Variants in SEMA3E observed in about 807,000 individuals in gnomAD.
The protein encoded by SEMA3E is semaphorin 3E.
SEMA3E carries 49 observed loss-of-function variants against 93.6 expected under a neutral mutation model. The ratio of observed to expected loss-of-function variants is 0.52; its 90% CI spans 0.42 to 0.66. The LOEUF (loss-of-function observed/expected upper bound fraction) is 0.66, where lower values mean the gene tolerates loss of function less well. Among genes scored for constraint, SEMA3E ranks in the 30% least tolerant of loss-of-function variants. SEMA3E has a pLI of 0.00. For missense variants in SEMA3E, 906 were observed against 964.8 expected (o/e 0.94, Z 0.81); for synonymous variants, 363 against 330.7 (o/e 1.10, Z -1.06).
chr7:83,570,875 C>A (rs1328901157), intron 1 of SEMA3E, among the ~76,000 whole-genome samples: 31 of 143,852 alleles, frequency 2.2e-4, no homozygotes, highest in African/African-American at 2.5e-5. Context: ...TACAACTGAG[C>A]CCACAGAAAT....
chr7:83,648,501 A>G lies in SEMA3E; in HGVS notation c.42T>C (p.Gly14=). The G allele has an allele frequency of 6.2e-7, 1 of 1,612,568 alleles. No homozygotes were observed. ...CTCCTGTCCAAAGCTCCAGTAAGTA[A>G]CCCCACAGGAGCAAGGTGATAATGT... is the stretch of plus-strand genomic sequence containing the variant. ...AGHIITLLLW[G]YLLELWTGGH... is the part of the protein sequence containing the mutation. Residue 14 remains glycine, a synonymous_variant, in exon 1 of 17, where the codon GGT becomes GGC. Coordinates refer to ENST00000643230, the MANE Select transcript of SEMA3E (RefSeq NM_012431.3).
chr7:83,380,976 T>A (rs1163745736), intron 16 of SEMA3E, among the ~76,000 whole-genome samples: 1 of 151,948 alleles, frequency 6.6e-6, no homozygotes. Context: ...TCATCTGGTC[T>A]TGAAGGCATG....
intron 16 of SEMA3E, among the ~76,000 whole-genome samples, chr7:83,375,715 T>G (rs770031179): frequency 6.6e-6 from 1 of 152,050 alleles, no homozygotes; most frequent in Non-Finnish European, 1.5e-5. Context: ...GTCAGTGGCA[T>G]GAGACTTAGA....
At chr7:83,374,692 T>C (rs1794797190) in intron 16 of SEMA3E, among the ~76,000 whole-genome samples, 1 of 152,138 alleles carries the variant, frequency 6.6e-6, no homozygotes, top group African/African-American at 2.4e-5. Flanking sequence ...ATCTATAATA[T>C]AATACATTTA....
chr7:83,448,884 C>A (rs1052884412), intron 4 of SEMA3E, among the ~76,000 whole-genome samples: 2 of 152,006 alleles, frequency 1.3e-5, no homozygotes, highest in Non-Finnish European at 2.9e-5. Flanking sequence ...TCAGATTTTT[C>A]TTTGTAATTG....
intron 1 of SEMA3E, among the ~76,000 whole-genome samples, chr7:83,570,813 C>CA (rs145790825): frequency 2.4e-4 from 34 of 143,448 alleles, no homozygotes; most frequent in East Asian, 1.2e-3. Flanking sequence ...TTATCAAAGA[C>CA]AAAAAAAAAA....
At chr7:83,420,511 AAAC>A (rs893590857) in intron 4 of SEMA3E, among the ~76,000 whole-genome samples, 2 of 152,146 alleles carry the variant, frequency 1.3e-5, no homozygotes, top group Non-Finnish European at 2.9e-5. Flanking sequence ...AATGCTAAGC[AAAC>A]AACAACAACA....
chr7:83,591,567 T>G (rs1198912036), intron 1 of SEMA3E, among the ~76,000 whole-genome samples: 1 of 151,972 alleles, frequency 6.6e-6, no homozygotes, highest in Non-Finnish European at 1.5e-5. Flanking sequence ...TTTTTACACA[T>G]ATAAATTAAG....
At chr7:83,381,732 T>C (rs993426727) in intron 16 of SEMA3E, among the ~76,000 whole-genome samples, 2 of 151,906 alleles carry the variant, frequency 1.3e-5, no homozygotes, top group Non-Finnish European at 2.9e-5. Flanking sequence ...TTAGATGGAG[T>C]ACTCTGTATT....
intron 1 of SEMA3E, among the ~76,000 whole-genome samples, chr7:83,624,587 C>A (rs185494660): frequency 3.9e-4 from 59 of 151,488 alleles, no homozygotes; most frequent in African/African-American, 1.4e-3. Flanking sequence ...TATTTTCTTG[C>A]AAATTTGTTT....
At chr7:83,610,434 T>C (rs1186696102) in intron 1 of SEMA3E, among the ~76,000 whole-genome samples, 1 of 152,018 alleles carries the variant, frequency 6.6e-6, no homozygotes, top group Non-Finnish European at 1.5e-5. Flanking sequence ...AATTTAAACT[T>C]AATTGTCCCT....
intron 4 of SEMA3E, among the ~76,000 whole-genome samples, chr7:83,426,625 T>C (rs1370225974): frequency 6.6e-6 from 1 of 152,134 alleles, no homozygotes; most frequent in Non-Finnish European, 1.5e-5. Flanking sequence ...CCCCAGTACA[T>C]ATACACATGT....
At chr7:83,412,540 G>A (rs1471618938) in intron 5 of SEMA3E, among the ~76,000 whole-genome samples, 6 of 151,886 alleles carry the variant, frequency 4.0e-5, no homozygotes, top group South Asian at 2.1e-4. Context: ...GAGTTCAGAT[G>A]TTCAAGATCA....
intron 1 of SEMA3E, among the ~76,000 whole-genome samples, chr7:83,565,672 T>C (rs1046969403): frequency 6.6e-6 from 1 of 152,132 alleles, no homozygotes; most frequent in Non-Finnish European, 1.5e-5. Flanking sequence ...TTAAAAATTG[T>C]TTTTTAGAAG....
intron 4 of SEMA3E, among the ~76,000 whole-genome samples, chr7:83,430,152 A>G (rs371180495): frequency 2.6e-4 from 39 of 152,110 alleles, no homozygotes; most frequent in African/African-American, 8.9e-4. Flanking sequence ...ATAGACTCTA[A>G]TTGTCAATTT....
intron 1 of SEMA3E, among the ~76,000 whole-genome samples, chr7:83,526,757 G>C (rs916739579): frequency 6.6e-6 from 1 of 152,076 alleles, no homozygotes; most frequent in Non-Finnish European, 1.5e-5. Flanking sequence ...TTTTGTTTTA[G>C]AAGGAATAGG....
chr7:83,494,385 T>C (rs1002161916), intron 1 of SEMA3E, among the ~76,000 whole-genome samples: 3 of 151,824 alleles, frequency 2.0e-5, no homozygotes, highest in East Asian at 1.9e-4. Flanking sequence ...CGAAAAATAC[T>C]ATGGTGGACA....
chr7:83,628,887 C>CTTT (rs2115663742), intron 1 of SEMA3E, among the ~76,000 whole-genome samples: 1 of 152,152 alleles, frequency 6.6e-6, no homozygotes, highest in Admixed American at 6.5e-5. Context: ...GAATTTTCAG[C>CTTT]TTTTTTGTGC....
At chr7:83,553,128 G>A (rs1791800753) in intron 1 of SEMA3E, among the ~76,000 whole-genome samples, 1 of 152,160 alleles carries the variant, frequency 6.6e-6, no homozygotes, top group African/African-American at 2.4e-5. Context: ...CTACCGATAG[G>A]TGATGTCACC....
Sources: gnomAD v4.1 joint callset for allele counts (sites outside exome capture counted in the v4.1 genomes callset) on GRCh38, gnomAD v4.1.1 for gene constraint, MANE v1.5 for transcripts, NCBI Gene and HGNC (gene_info 2026-07-23, HGNC 2026-07-21) for gene names.